ABAT: variants seen among roughly 807,000 people sequenced by gnomAD.
ABAT encodes 4-aminobutyrate aminotransferase, also known as 4-aminobutyrate aminotransferase, mitochondrial.
In ABAT, 45 loss-of-function variants were observed where a neutral mutation model predicts 64.6. The ratio of observed to expected loss-of-function variants is 0.70; its 90% CI spans 0.55 to 0.89. The LOEUF is 0.89. Among genes scored for constraint, ABAT ranks in the 40% least tolerant of loss-of-function variants. The pLI is 0.00. For missense variants in ABAT, 633 were observed against 658.4 expected, an observed-to-expected ratio of 0.96 and a Z score of 0.42; for synonymous variants, 297 against 250.5, an observed-to-expected ratio of 1.19 and a Z score of -1.75.
intron 5 of ABAT, among the ~76,000 whole-genome samples, chr16:8,753,511 CCAGCTCCGCTTT>C (rs1272055938): frequency 6.6e-6 from 1 of 152,236 alleles, no homozygotes; most frequent in East Asian, 1.9e-4. Flanking sequence ...ATCAGAGGGA[CCAGCTCCGCTTT>C]CATCTCTTCT....
chr16:8,773,160 T>A (rs8060323), intron 12 of ABAT, among the ~76,000 whole-genome samples: 62,973 of 111,040 alleles, frequency 0.57, 13,866 homozygotes, highest in East Asian at 0.68. Context: ...ATATATATAT[T>A]TTTTTTTTTG....
chr16:8,768,674 T>A, intron 10 of ABAT, 151 bp from the exon 11 acceptor site: 1 of 1,118,728 alleles, frequency 8.9e-7, no homozygotes, highest in Non-Finnish European at 1.3e-6. Context: ...AAATTAAAAA[T>A]TAAACGATAA....
chr16:8,724,980 C>T (rs1269206164), intron 1 of ABAT, among the ~76,000 whole-genome samples: 2 of 151,152 alleles, frequency 1.3e-5, no homozygotes, highest in South Asian at 2.1e-4. Context: ...GCAGTGGCGC[C>T]ATCTCGGCTC....
intron 1 of ABAT, among the ~76,000 whole-genome samples, chr16:8,700,825 T>C (rs550711432): frequency 1.3e-5 from 2 of 152,090 alleles, no homozygotes; most frequent in South Asian, 4.1e-4. Flanking sequence ...AGGCTGGTCT[T>C]GAGCTCCCTG....
At chr16:8,706,638 G>C (rs1252266333) in intron 1 of ABAT, among the ~76,000 whole-genome samples, 1 of 152,086 alleles carries the variant, frequency 6.6e-6, no homozygotes, top group Non-Finnish European at 1.5e-5. Context: ...AATTGAACCT[G>C]GGAGGTGGAG....
chr16:8,776,291 C>T lies in ABAT; in HGVS notation c.1123-53C>T. The T allele has an allele frequency of 5.6e-6, 9 of 1,613,348 alleles. No homozygotes were observed. The highest frequency in any genetic ancestry group is 7.6e-6 in the Non-Finnish European group (9 of 1,179,904). On this transcript the variant is annotated intron_variant, in intron 13 of 15. Transcript: ENST00000268251. The surrounding 1 kb of genome is among the most constrained non-coding windows in gnomAD (Gnocchi z 4.4). The stretch of plus-strand genomic sequence containing the variant: ...GGCGGGGCGCCTGGGGTAAGTGACT[C>T]CTGCAGGGTGTGCATGTGTGTGAAG...
At chr16:8,692,616 G>C (rs1022163675) in intron 1 of ABAT, among the ~76,000 whole-genome samples, 1 of 152,128 alleles carries the variant, frequency 6.6e-6, no homozygotes, top group South Asian at 2.1e-4. Flanking sequence ...TCTTCCTCCT[G>C]ATGGGAATGG....
Position 8,733,173 on chromosome 16 carries a change from C to T in ABAT, c.-41-2526C>T, listed in dbSNP as rs1197083982. ...GGACGGGGTGGCTGCCAGGCGGAGA[C>T]GCTCCTCACTTCCCAGACGGGGCGG... On this transcript the variant is annotated intron_variant, in intron 1 of 15. Transcript: ENST00000268251. 5.4e-5 allele frequency among the ~76,000 whole-genome samples: 8 copies of T among 149,068 alleles called. No individual in the cohort carries two copies. In the South Asian group the frequency reaches 1.3e-3, roughly 24 times the overall value.
intron 1 of ABAT, among the ~76,000 whole-genome samples, chr16:8,689,435 A>G (rs924867951): frequency 1.3e-5 from 2 of 152,230 alleles, no homozygotes; most frequent in African/African-American, 2.4e-5. Flanking sequence ...GACTGCACCA[A>G]TCAAGACTTA....
intron 1 of ABAT, among the ~76,000 whole-genome samples, chr16:8,716,736 C>A (rs2058225955): frequency 6.6e-6 from 1 of 152,204 alleles, no homozygotes; most frequent in Non-Finnish European, 1.5e-5. Context: ...ACTACTTGTG[C>A]CTACGTCATT....
At chr16:8,701,802 G>A (rs1462652986) in intron 1 of ABAT, among the ~76,000 whole-genome samples, 1 of 152,134 alleles carries the variant, frequency 6.6e-6, no homozygotes, top group Admixed American at 6.5e-5. Context: ...AAGACAGGGC[G>A]GGAGCCCCTG....
intron 1 of ABAT, among the ~76,000 whole-genome samples, chr16:8,731,884 C>T (rs971578007): frequency 4.6e-5 from 7 of 151,990 alleles, no homozygotes; most frequent in African/African-American, 1.2e-4. Flanking sequence ...AACAGAGTCT[C>T]GCCCTGTCGC....
rs1216400203 is a variant in ABAT, at chr16:8,776,391, G to C, written c.1170G>C (p.Leu390=). 6.2e-7 allele frequency: 1 copy of C among 1,614,218 alleles called. No individual in the cohort carries two copies. Among genetic ancestry groups the C allele is most frequent in the Admixed American group, 1.7e-5 (1 of 60,028 alleles). The change falls in exon 14 of 16, where the codon CTG becomes CTC. Residue 390 remains leucine, a synonymous_variant. Coordinates refer to ENST00000268251, the MANE Select transcript of ABAT (RefSeq NM_020686.6). This position sits in a 1 kb window ranked among gnomAD's most constrained non-coding sequence, Gnocchi z 4.4. The part of the protein sequence containing the change: ...NTWLGDPSKN[L]LLAEVINIIK... Reference sequence around the variant, plus strand: ...GGCTGGGGGACCCGTCCAAGAACCTGTTGCTGGCTGAGGTCATCAACATCA... The same window carrying C: ...GGCTGGGGGACCCGTCCAAGAACCTCTTGCTGGCTGAGGTCATCAACATCA...
chr16:8,696,995 G>A (rs2057717643), intron 1 of ABAT, among the ~76,000 whole-genome samples: 1 of 152,220 alleles, frequency 6.6e-6, no homozygotes, highest in Admixed American at 6.5e-5. Flanking sequence ...GTGAAATCAA[G>A]GAGAACAAGA....
chr16:8,677,029 G>A (rs1207574785), intron 1 of ABAT, among the ~76,000 whole-genome samples: 3 of 152,176 alleles, frequency 2.0e-5, no homozygotes, highest in Non-Finnish European at 4.4e-5. Context: ...TTGCCAAGGC[G>A]AAGTTCAAAG....
At chr16:8,746,163 C>T (rs1317770170) in intron 3 of ABAT, 65 bp downstream of exon 3, 6 of 1,266,504 alleles carry the variant, frequency 4.7e-6, no homozygotes, top group Non-Finnish European at 6.9e-6. Context: ...GAAGCAAAAG[C>T]ACAGCCAAGC....
intron 1 of ABAT, among the ~76,000 whole-genome samples, chr16:8,684,183 G>T (rs1451424065): frequency 6.6e-6 from 1 of 152,156 alleles, no homozygotes; most frequent in Non-Finnish European, 1.5e-5. Context: ...AGGAGGAAAA[G>T]GCAGAAAAGA....
At chr16:8,736,322 C>T (rs969689568) in intron 2 of ABAT, 2 of 172,798 alleles carry the variant, frequency 1.2e-5, no homozygotes, top group Non-Finnish European at 2.5e-5. Context: ...ATCCATAAAA[C>T]TGTCACCATC....
At position 8,733,469 on chromosome 16, in the gene ABAT, G is replaced by T. The variant is rs535099586; in HGVS notation, c.-41-2230G>T. On this transcript the variant is annotated intron_variant, in intron 1 of 15. Transcript: ENST00000268251. ...GGCTGCAATCTCGGCACTTTGGGAG[G>T]CCAAGGCAGGCGGCTGGGAGGTGGA... Among the ~76,000 whole-genome samples the T allele has an allele frequency of 1.1e-4, 16 of 151,968 alleles. No individual in the cohort carries two copies. In the South Asian group the frequency reaches 3.1e-3, roughly 29 times the overall value.
Sources: gnomAD v4.1 joint callset for allele counts (sites outside exome capture counted in the v4.1 genomes callset) on GRCh38, gnomAD v4.1.1 for gene constraint, Gnocchi (gnomAD v3.1) non-coding constraint, MANE v1.5 for transcripts, NCBI Gene and HGNC (gene_info 2026-07-23, HGNC 2026-07-21) for gene names.